Variants in ITGA9 observed in about 807,000 individuals in gnomAD.
ITGA9 encodes integrin subunit alpha 9.
Under a neutral mutation model 127.8 loss-of-function variants are expected in ITGA9, and 56 were observed. The observed-to-expected ratio is 0.44, with a 90% CI of 0.35 to 0.55. The LOEUF (loss-of-function observed/expected upper bound fraction) is 0.55. ITGA9 is among the 20% of genes least tolerant of loss of function. The pLI is 0.00. For missense variants in ITGA9, 1,196 were observed against 1,347.1 expected, an observed-to-expected ratio of 0.89 and a Z score of 1.76; for synonymous variants, 508 against 514.5, an observed-to-expected ratio of 0.99 and a Z score of 0.17.
Position 37,490,965 on chromosome 3 carries a change from T to TCCCC in ITGA9, c.545-3536_545-3535insCCCC, listed in dbSNP as rs1368572287. Reference sequence around the variant, plus strand: ...CTATCTTTTGGGTCTCAGATTTGGCTTCCCCCCCGCTTTTTTTTTTTTTTT... The same window carrying TCCCC: ...CTATCTTTTGGGTCTCAGATTTGGCTCCCCTCCCCCCCGCTTTTTTTTTTTTTTT... On this transcript the variant is annotated intron_variant, in intron 4 of 27. Transcript: ENST00000264741. Among the ~76,000 whole-genome samples, 506 of 87,838 alleles carry TCCCC rather than the reference T, an allele frequency of 5.8e-3. 3 individuals are homozygous for TCCCC. The highest frequency in any genetic ancestry group is 0.018 in the South Asian group (43 of 2,448). The allele number at this position is 87,838 out of a possible 152,430, so 57.6% of individuals were successfully genotyped here.
chr3:37,611,208 A>T (rs562222219), intron 15 of ITGA9, among the ~76,000 whole-genome samples: 33 of 152,280 alleles, frequency 2.2e-4, no homozygotes, highest in African/African-American at 7.9e-4. Context: ...GCACTGTGCT[A>T]AAGGGTGGAC....
Position 37,643,516 on chromosome 3 carries a change from G to GT in ITGA9, c.1840-10197dup, listed in dbSNP as rs1164073690. 7.2e-5 allele frequency among the ~76,000 whole-genome samples: 10 copies of GT among 138,904 alleles called. No individual in the cohort carries two copies. The East Asian group carries it at 2.1e-3, about 29-fold the overall frequency. The allele number at this position is 138,904 out of a possible 152,430, so 91.1% of individuals were successfully genotyped here. ...GTGTTATGTTTTATTTTTGCAATTT[G>GT]TGGGGGGAAAATGCATTCTAGGCTT... is the stretch of plus-strand genomic sequence containing the variant. On this transcript the variant is annotated intron_variant, in intron 16 of 27. Coordinates refer to ENST00000264741, the MANE Select transcript of ITGA9 (RefSeq NM_002207.3).
chr3:37,640,481 C>T (rs1356907608), intron 16 of ITGA9, among the ~76,000 whole-genome samples: 1 of 152,098 alleles, frequency 6.6e-6, no homozygotes, highest in Non-Finnish European at 1.5e-5. Flanking sequence ...AAAACCCGAA[C>T]AAAGCTGGAA....
At position 37,820,622 on chromosome 3, in the gene ITGA9, A is replaced by G. The variant is rs977388472; in HGVS notation, c.*1633A>G. On this transcript the variant is annotated 3_prime_UTR_variant, in exon 28 of 28. Coordinates refer to ENST00000264741, the MANE Select transcript of ITGA9 (RefSeq NM_002207.3). ...AGGGCAATGAGATGATGGATGTAGC[A>G]TGCTCAGCACTGACCTGGCCCATAG... 1 of 152,240 alleles carries G rather than the reference A, an allele frequency of 6.6e-6. No individual in the cohort carries two copies. Among genetic ancestry groups the G allele is most frequent in the Non-Finnish European group, 1.5e-5 (1 of 68,090 alleles). The allele number at this position is 152,240 out of a possible 1,614,324, so 9.4% of individuals were successfully genotyped here. A position where few individuals can be genotyped will look rare whatever the true frequency, so the allele number is the denominator to read the frequency against.
intron 18 of ITGA9, among the ~76,000 whole-genome samples, chr3:37,684,920 G>T (rs918479119): frequency 2.6e-5 from 4 of 152,040 alleles, no homozygotes; most frequent in Non-Finnish European, 4.4e-5. Context: ...TAATCATCCC[G>T]AGTGTACCAC....
intron 1 of ITGA9, among the ~76,000 whole-genome samples, chr3:37,461,942 C>A (rs1698320029): frequency 6.6e-6 from 1 of 152,158 alleles, no homozygotes; most frequent in African/African-American, 2.4e-5. Flanking sequence ...ATCTACAGTT[C>A]CAGGATGGGA....
intron 3 of ITGA9, among the ~76,000 whole-genome samples, chr3:37,477,706 A>G (rs1346413306): frequency 6.6e-6 from 1 of 152,214 alleles, no homozygotes; most frequent in Non-Finnish European, 1.5e-5. Flanking sequence ...CTGTATAGGC[A>G]CTGACTGCTG....
At chr3:37,647,041 A>G (rs1017777041) in intron 16 of ITGA9, among the ~76,000 whole-genome samples, 2 of 152,100 alleles carry the variant, frequency 1.3e-5, no homozygotes, top group Non-Finnish European at 2.9e-5. Context: ...AGACTAATCC[A>G]GGACTAGAAC....
chr3:37,651,790 C>T (rs1700431806), intron 16 of ITGA9, among the ~76,000 whole-genome samples: 2 of 152,108 alleles, frequency 1.3e-5, no homozygotes, highest in African/African-American at 4.8e-5. Flanking sequence ...TGGGGATCCA[C>T]TTGTGGGGAG....
chr3:37,606,969 CCTTT>C (rs1699974673), intron 15 of ITGA9, among the ~76,000 whole-genome samples: 1 of 118,222 alleles, frequency 8.5e-6, no homozygotes, highest in African/African-American at 3.2e-5. Context: ...GCTCATGGCT[CCTTT>C]TTTTTTTTTT....
chr3:37,809,632 T>C (rs889089633), intron 27 of ITGA9, among the ~76,000 whole-genome samples: 10 of 151,982 alleles, frequency 6.6e-5, no homozygotes, highest in African/African-American at 2.4e-4. Flanking sequence ...AAAAAATTTT[T>C]TTTTCTCAAA....
intron 26 of ITGA9, chr3:37,790,134 T>C (rs1292021174): frequency 3.6e-6 from 2 of 561,610 alleles, no homozygotes; most frequent in African/African-American, 3.8e-5. Flanking sequence ...TCTTAATATT[T>C]ATCATATCAA....
intron 15 of ITGA9, among the ~76,000 whole-genome samples, chr3:37,625,141 C>T (rs757849356): frequency 1.3e-5 from 2 of 152,198 alleles, no homozygotes; most frequent in Non-Finnish European, 2.9e-5. Flanking sequence ...CCCCTGCTCT[C>T]TGCCTGATGT....
chr3:37,671,085 G>A (rs1295139153), intron 17 of ITGA9, among the ~76,000 whole-genome samples: 1 of 152,218 alleles, frequency 6.6e-6, no homozygotes, highest in Non-Finnish European at 1.5e-5. Context: ...GCTGCACACC[G>A]GGGCTGTCTT....
At chr3:37,761,985 T>C (rs1207611234) in intron 23 of ITGA9, among the ~76,000 whole-genome samples, 1 of 152,262 alleles carries the variant, frequency 6.6e-6, no homozygotes, top group Non-Finnish European at 1.5e-5. Context: ...TTTTAGCATT[T>C]AATCAAGAAA....
At chr3:37,575,293 A>T (rs1222383212) in intron 15 of ITGA9, among the ~76,000 whole-genome samples, 1 of 152,100 alleles carries the variant, frequency 6.6e-6, no homozygotes, top group East Asian at 1.9e-4. Context: ...TCACTGGTTG[A>T]CCTTCAGCGG....
intron 4 of ITGA9, among the ~76,000 whole-genome samples, chr3:37,490,987 T>C (rs547366545): frequency 2.1e-5 from 3 of 142,400 alleles, no homozygotes; most frequent in Non-Finnish European, 3.1e-5. Flanking sequence ...TTTTTTTTTT[T>C]TTTTTTTGAG....
rs573467840 is a variant in ITGA9, at chr3:37,457,204, C to T, written c.185+4645C>T. Among the ~76,000 whole-genome samples, 6 of 152,310 alleles carry T rather than the reference C, an allele frequency of 3.9e-5. No homozygotes were observed. In the East Asian group the frequency reaches 7.7e-4, roughly 20 times the overall value. On this transcript the variant is annotated intron_variant, in intron 1 of 27. Coordinates refer to ENST00000264741, the MANE Select transcript of ITGA9 (RefSeq NM_002207.3). ...AATTGTCTTTCTACTCATAAAACAC[C>T]GCAGGGCCTGATCTATATTTAGGGC...
rs1012032736 is a variant in ITGA9 at position 37,821,215 on chromosome 3, C to T, written c.*2226C>T. On this transcript the variant is annotated 3_prime_UTR_variant, in exon 28 of 28. Coordinates refer to ENST00000264741, the MANE Select transcript of ITGA9 (RefSeq NM_002207.3). ...TGGGATGGAGGCACAGAGGTAGCTA[C>T]AGGGAGCAGGACGAGGCAAAGAAAG... is the stretch of plus-strand genomic sequence containing the variant. The T allele has an allele frequency of 1.3e-5, 2 of 152,326 alleles. No individual in the cohort carries two copies. The highest frequency in any genetic ancestry group is 2.1e-4 in the South Asian group (1 of 4,820). 9.4% of individuals were successfully genotyped at this position (152,326 alleles called of 1,614,324 possible). A position where few individuals can be genotyped will look rare whatever the true frequency, so the allele number is the denominator to read the frequency against.
Sources: gnomAD v4.1 joint callset for allele counts (sites outside exome capture counted in the v4.1 genomes callset) on GRCh38, gnomAD v4.1.1 for gene constraint, MANE v1.5 for transcripts, NCBI Gene and HGNC (gene_info 2026-07-23, HGNC 2026-07-21) for gene names.